The following BICRA variants were observed in gnomAD, a reference collection of about 807,000 sequenced individuals.
BICRA encodes BRD4-interacting chromatin-remodeling complex-associated protein.
A neutral mutation model predicts 96.9 loss-of-function variants in BICRA; 31 were observed. That is an observed-to-expected ratio of 0.32 (90% CI 0.24 to 0.43). The LOEUF (loss-of-function observed/expected upper bound fraction) is 0.43. Ranked by LOEUF, BICRA falls within the 20% of genes least tolerant of loss-of-function variation. The pLI, the probability that BICRA is intolerant of heterozygous loss-of-function variation, is 1.00. For synonymous variants in BICRA, 1,350 were observed against 1,071.8 expected (o/e 1.26, Z -5.07); for missense variants, 2,283 against 2,190.3 (o/e 1.04, Z -0.84).
At chr19:47,615,293 A>C (rs1180549741) in intron 1 of BICRA, among the ~76,000 whole-genome samples, 2 of 152,160 alleles carry the variant, frequency 1.3e-5, no homozygotes, top group Non-Finnish European at 2.9e-5. Context: ...CTCATGCTGC[A>C]CCTTGAAGAA....
intron 7 of BICRA, among the ~76,000 whole-genome samples, chr19:47,685,791 G>GCGCGCGCGCA (rs1973145636): frequency 7.8e-6 from 1 of 127,652 alleles, no homozygotes; most frequent in East Asian, 2.4e-4. Context: ...GTGTGTGCGC[G>GCGCGCGCGCA]CGCGCGCGCA....
At chr19:47,661,165 A>C (rs1972697984) in intron 1 of BICRA, among the ~76,000 whole-genome samples, 1 of 141,220 alleles carries the variant, frequency 7.1e-6, no homozygotes, top group Admixed American at 7.7e-5. Flanking sequence ...AGTGAGCTGA[A>C]ATCACGCCAC....
At chr19:47,673,486 G>A in intron 2 of BICRA, 84 bp from the exon 3 acceptor site, 1 of 1,051,426 alleles carries the variant, frequency 9.5e-7, no homozygotes, top group Non-Finnish European at 1.5e-6. Context: ...CCTCCAGGGG[G>A]CTCCCCTGAA....
intron 1 of BICRA, among the ~76,000 whole-genome samples, chr19:47,648,501 G>T (rs930756388): frequency 1.3e-5 from 2 of 151,564 alleles, no homozygotes; most frequent in Non-Finnish European, 2.9e-5. Flanking sequence ...GATAGCGATC[G>T]GCACCTGCAG....
rs778986151 is a variant in BICRA at position 47,682,137 on chromosome 19, G to A, written c.2268G>A (p.Pro756=). Residue 756 remains proline, a synonymous_variant, in exon 7 of 15, where the codon CCG becomes CCA. Transcript: ENST00000594866. Reference sequence around the variant, plus strand: ...AGGCCCCCGACAGCCAGGCTTCCCCGGCTCCGGCCCCCCAGGTAGAGGGAC... The same window carrying A: ...AGGCCCCCGACAGCCAGGCTTCCCCAGCTCCGGCCCCCCAGGTAGAGGGAC... The part of the protein sequence containing the change: ...GPQAPDSQAS[P]APAPQIPAAA... The A allele has an allele frequency of 3.3e-5, 42 of 1,273,622 alleles. No homozygotes were observed. Among genetic ancestry groups the A allele is most frequent in the East Asian group, 7.9e-5 (2 of 25,278 alleles). The allele number at this position is 1,273,622 out of a possible 1,614,324, so 78.9% of individuals were successfully genotyped here. A position where few individuals can be genotyped will look rare whatever the true frequency, so the allele number is the denominator to read the frequency against.
rs1369852556 is a variant in BICRA at position 47,698,339 on chromosome 19, T to C, written c.3249-295T>C. ...GCAGCTTCCAGGCTCTGGCCTCACT[T>C]CCCGCTCTGCTCTTCCTCCCTTACG... is the stretch of plus-strand genomic sequence containing the variant. On this transcript the variant is annotated intron_variant, in intron 11 of 14. Transcript: ENST00000594866. The surrounding 1 kb of genome is among the most constrained non-coding windows in gnomAD (Gnocchi z 4.8). Among the ~76,000 whole-genome samples, 1 of 152,140 alleles carries C rather than the reference T, an allele frequency of 6.6e-6. No homozygotes were observed. The highest frequency in any genetic ancestry group is 2.4e-5 in the African/African-American group (1 of 41,432).
intron 1 of BICRA, among the ~76,000 whole-genome samples, chr19:47,651,590 C>T (rs1008408183): frequency 1.2e-4 from 18 of 152,134 alleles, no homozygotes; most frequent in Non-Finnish European, 2.4e-4. Flanking sequence ...ACTCCCAGCA[C>T]CATCGGGAAA....
chr19:47,637,119 A>C (rs1313491724), intron 1 of BICRA, among the ~76,000 whole-genome samples: 1 of 151,506 alleles, frequency 6.6e-6, no homozygotes, highest in East Asian at 1.9e-4. Flanking sequence ...ATTTTATTTT[A>C]TTTTATTTAT....
chr19:47,672,412 G>T (rs544743904), intron 2 of BICRA, among the ~76,000 whole-genome samples: 6 of 151,194 alleles, frequency 4.0e-5, no homozygotes, highest in Non-Finnish European at 7.4e-5. Context: ...TAAGTAGATG[G>T]GTGGAAGGAT....
At chr19:47,700,719 A>C (rs1405795194) in intron 14 of BICRA, 1 of 151,616 alleles carries the variant, frequency 6.6e-6, no homozygotes, top group African/African-American at 2.4e-5. Context: ...GCTTGAACCC[A>C]GGAGGCGGAG....
intron 1 of BICRA, among the ~76,000 whole-genome samples, chr19:47,622,783 T>C (rs1972084309): frequency 1.3e-5 from 2 of 150,166 alleles, no homozygotes; most frequent in Admixed American, 1.3e-4. Flanking sequence ...CTCATGCCTG[T>C]AATCCTAGCA....
At chr19:47,664,312 T>C (rs1281247294) in intron 1 of BICRA, among the ~76,000 whole-genome samples, 3 of 152,172 alleles carry the variant, frequency 2.0e-5, no homozygotes, top group Admixed American at 2.0e-4. Flanking sequence ...AAAACTCCGA[T>C]TGCATTACAA....
intron 1 of BICRA, among the ~76,000 whole-genome samples, chr19:47,651,576 C>T (rs1244263955): frequency 6.6e-6 from 1 of 152,126 alleles, no homozygotes; most frequent in Non-Finnish European, 1.5e-5. Flanking sequence ...GGGATGACTT[C>T]CTCACTCCCA....
chr19:47,694,722 AC>A lies in BICRA; in HGVS notation c.2893del (p.Gln965ArgfsTer81). On this transcript the variant is annotated frameshift_variant, in exon 8 of 15. Coordinates refer to ENST00000594866, the MANE Select transcript of BICRA (RefSeq NM_001394372.1). LOFTEE classifies it high-confidence loss of function. ...CCGAAGGCTCTTCTCGAGAGATTTC[AC>A]CAGGTAACGGGAGGCAGGGACTGCC... The part of the protein sequence containing the change: ...PQPKALLERF[H>X]QVPSGIILQN... 6.7e-7 allele frequency: 1 copy of A among 1,498,784 alleles called. No homozygotes were observed. Among genetic ancestry groups the A allele is most frequent in the Non-Finnish European group, 9.1e-7 (1 of 1,096,568 alleles). 92.8% of individuals were successfully genotyped at this position (1,498,784 alleles called of 1,614,324 possible). A position where few individuals can be genotyped will look rare whatever the true frequency, so the allele number is the denominator to read the frequency against.
intron 1 of BICRA, among the ~76,000 whole-genome samples, chr19:47,667,941 A>G (rs975916168): frequency 1.2e-4 from 19 of 152,270 alleles, no homozygotes; most frequent in African/African-American, 4.3e-4. Context: ...CTGAAATCCC[A>G]GCCTGGGTGG....
chr19:47,634,738 T>C (rs901249073), intron 1 of BICRA, among the ~76,000 whole-genome samples: 2 of 151,124 alleles, frequency 1.3e-5, no homozygotes, highest in Non-Finnish European at 2.9e-5. Flanking sequence ...TCAACTCTCT[T>C]CTCTCTCTTA....
At chr19:47,640,433 G>A (rs1019462905) in intron 1 of BICRA, among the ~76,000 whole-genome samples, 5 of 151,992 alleles carry the variant, frequency 3.3e-5, no homozygotes, top group Admixed American at 3.3e-4. Context: ...GGGAGGCTGA[G>A]GCAGGAGAAT....
intron 11 of BICRA, 59 bp downstream of exon 11, chr19:47,696,571 C>A: frequency 6.7e-7 from 1 of 1,486,532 alleles, no homozygotes; most frequent in Non-Finnish European, 9.1e-7. Flanking sequence ...CCTGGGGGAG[C>A]ATGGGGCCAC....
chr19:47,639,028 G>C (rs1180258201), intron 1 of BICRA, among the ~76,000 whole-genome samples: 2 of 151,832 alleles, frequency 1.3e-5, no homozygotes, highest in Admixed American at 6.6e-5. Context: ...TTTTGAGACA[G>C]GGTCTCGCTC....
Sources: allele counts gnomAD v4.1 joint callset (sites outside exome capture counted in the v4.1 genomes callset), GRCh38; gene constraint gnomAD v4.1.1; non-coding constraint Gnocchi (gnomAD v3.1); transcripts MANE v1.5; gene names NCBI Gene and HGNC (gene_info 2026-07-23, HGNC 2026-07-21).